Variants in CCBE1 observed in about 807,000 individuals in gnomAD.
The protein encoded by CCBE1 is collagen and calcium binding EGF domains 1.
A neutral mutation model predicts 50.0 loss-of-function variants in CCBE1; 37 were observed. The ratio of observed to expected loss-of-function variants is 0.74; its 90% CI spans 0.57 to 0.97. The LOEUF (loss-of-function observed/expected upper bound fraction) is 0.97, where lower values mean the gene tolerates loss of function less well. Among genes scored for constraint, CCBE1 ranks in the 50% least tolerant of loss-of-function variants. CCBE1 has a pLI of 0.00. For synonymous variants in CCBE1, 234 were observed against 203.7 expected (o/e 1.15, Z -1.27); for missense variants, 538 against 523.8 (o/e 1.03, Z -0.26).
At chr18:59,676,968 T>G (rs1465812905) in intron 2 of CCBE1, among the ~76,000 whole-genome samples, 1 of 152,004 alleles carries the variant, frequency 6.6e-6, no homozygotes, top group African/African-American at 2.4e-5. Context: ...GGGAGGATAG[T>G]GTAGGATGAA....
chr18:59,528,914 G>A (rs1914937321), intron 2 of CCBE1, among the ~76,000 whole-genome samples: 1 of 151,858 alleles, frequency 6.6e-6, no homozygotes, highest in Non-Finnish European at 1.5e-5. Flanking sequence ...TGTGACCTCT[G>A]TTGGGGGAGG....
intron 2 of CCBE1, among the ~76,000 whole-genome samples, chr18:59,543,858 A>AC (rs1179485762): frequency 2.7e-5 from 4 of 146,966 alleles, no homozygotes; most frequent in East Asian, 2.0e-4. Context: ...AAAAAAAAAA[A>AC]CAGAAAACAC....
At chr18:59,669,722 C>T (rs2054406425) in intron 2 of CCBE1, among the ~76,000 whole-genome samples, 1 of 152,206 alleles carries the variant, frequency 6.6e-6, no homozygotes, top group Admixed American at 6.5e-5. Flanking sequence ...CACATCTCTC[C>T]CCGAACTTCC....
intron 2 of CCBE1, among the ~76,000 whole-genome samples, chr18:59,552,421 T>C (rs1008382826): frequency 3.9e-5 from 6 of 152,180 alleles, no homozygotes; most frequent in Admixed American, 6.5e-5. Flanking sequence ...AAAGAACTTC[T>C]CTTGTCTCCA....
rs974800783 is a variant in CCBE1, at chr18:59,435,810, T to C, written c.*98A>G. The C allele has an allele frequency of 9.6e-7, 1 of 1,046,734 alleles. No individual in the cohort carries two copies. Among genetic ancestry groups the C allele is most frequent in the Non-Finnish European group, 1.5e-6 (1 of 664,650 alleles). The allele number at this position is 1,046,734 out of a possible 1,614,324, so 64.8% of individuals were successfully genotyped here. On this transcript the variant is annotated 3_prime_UTR_variant, in exon 11 of 11. Transcript: ENST00000439986. ...CAGGAGAAGAGAAGAGAAAAATGTA[T>C]GTTTTCTAGGTCTCCAGTGGTCTTT...
At chr18:59,685,573 A>G (rs2054643628) in intron 2 of CCBE1, among the ~76,000 whole-genome samples, 1 of 152,246 alleles carries the variant, frequency 6.6e-6, no homozygotes, top group African/African-American at 2.4e-5. Flanking sequence ...GGTTTTCAGC[A>G]TACTGGAATC....
intron 2 of CCBE1, among the ~76,000 whole-genome samples, chr18:59,673,682 T>C (rs1420031153): frequency 6.6e-6 from 1 of 152,234 alleles, no homozygotes; most frequent in Non-Finnish European, 1.5e-5. Context: ...AGGCCTTTTC[T>C]GCATCTATTG....
At chr18:59,692,380 T>C (rs1224582405) in intron 2 of CCBE1, among the ~76,000 whole-genome samples, 2 of 152,182 alleles carry the variant, frequency 1.3e-5, no homozygotes, top group African/African-American at 4.8e-5. Context: ...AGCACAGATA[T>C]TAAAACTGCT....
intron 2 of CCBE1, among the ~76,000 whole-genome samples, chr18:59,620,366 GA>G (rs1282837549): frequency 6.6e-6 from 1 of 152,184 alleles, no homozygotes; most frequent in Non-Finnish European, 1.5e-5. Context: ...TAGAAAAGGG[GA>G]AATTTGCAGG....
intron 2 of CCBE1, among the ~76,000 whole-genome samples, chr18:59,501,094 C>G (rs1364556909): frequency 6.6e-6 from 1 of 152,216 alleles, no homozygotes; most frequent in African/African-American, 2.4e-5. Flanking sequence ...GTGTGAAGCA[C>G]AGTGTCTAGC....
chr18:59,588,568 G>T (rs1000916154), intron 2 of CCBE1, among the ~76,000 whole-genome samples: 1 of 152,096 alleles, frequency 6.6e-6, no homozygotes. Flanking sequence ...TTTTTGACTG[G>T]TTTAACTCTT....
intron 7 of CCBE1, among the ~76,000 whole-genome samples, chr18:59,442,601 G>A (rs993184477): frequency 2.6e-5 from 4 of 151,996 alleles, no homozygotes; most frequent in African/African-American, 4.8e-5. Context: ...GATGGCAAGC[G>A]CCTATAATCC....
intron 2 of CCBE1, among the ~76,000 whole-genome samples, chr18:59,610,487 G>C (rs776469492): frequency 6.0e-5 from 9 of 148,988 alleles, no homozygotes; most frequent in Non-Finnish European, 1.3e-4. Context: ...ACTCTAGCCA[G>C]AGAAAATCTT....
chr18:59,580,576 A>G (rs914230970), intron 2 of CCBE1, among the ~76,000 whole-genome samples: 9 of 152,194 alleles, frequency 5.9e-5, no homozygotes, highest in Non-Finnish European at 1.0e-4. Flanking sequence ...CAGGGTTAGA[A>G]AATCTTGGGA....
chr18:59,573,194 A>G (rs960137170), intron 2 of CCBE1, among the ~76,000 whole-genome samples: 7 of 150,630 alleles, frequency 4.6e-5, no homozygotes, highest in African/African-American at 1.7e-4. Context: ...CTGAGGCACC[A>G]GAATCGCTTG....
In CCBE1 at chr18:59,644,364, G is replaced by A. The variant is rs1448511117; in HGVS notation, c.212+52265C>T. Among the ~76,000 whole-genome samples, 4 of 152,162 alleles carry A rather than the reference G, an allele frequency of 2.6e-5. No individual in the cohort carries two copies. In the East Asian group the frequency reaches 7.7e-4, roughly 29 times the overall value. ...TATGGAACACAATTTGAGATACACT[G>A]GCCTGGCTCACCTAAGGCTTCTCTA... On this transcript the variant is annotated intron_variant, in intron 2 of 10. Coordinates refer to ENST00000439986, the MANE Select transcript of CCBE1 (RefSeq NM_133459.4).
chr18:59,635,461 T>C (rs1051376970), intron 2 of CCBE1, among the ~76,000 whole-genome samples: 2 of 150,830 alleles, frequency 1.3e-5, no homozygotes, highest in Non-Finnish European at 2.9e-5. Context: ...GAGAAATTTT[T>C]TAAAAATAAA....
chr18:59,568,189 G>A (rs1240662712), intron 2 of CCBE1: 1 of 147,898 alleles, frequency 6.8e-6, no homozygotes, highest in African/African-American at 2.5e-5. Flanking sequence ...TTTTTTGGCA[G>A]AATGTGAGGT....
At chr18:59,536,869 G>A (rs909010999) in intron 2 of CCBE1, among the ~76,000 whole-genome samples, 2 of 151,830 alleles carry the variant, frequency 1.3e-5, no homozygotes, top group Admixed American at 6.6e-5. Flanking sequence ...GCATGCACCA[G>A]TAATCCCAGC....
Sources: gnomAD v4.1 joint callset for allele counts (sites outside exome capture counted in the v4.1 genomes callset) on GRCh38, gnomAD v4.1.1 for gene constraint, MANE v1.5 for transcripts, NCBI Gene and HGNC (gene_info 2026-07-23, HGNC 2026-07-21) for gene names.